The following NAPG variants were observed in gnomAD, a reference collection of about 807,000 sequenced individuals.
NAPG encodes NSF attachment protein gamma, also known as gamma-soluble NSF attachment protein.
In NAPG, 25 loss-of-function variants were observed where a neutral mutation model predicts 48.4. The observed-to-expected ratio is 0.52, with a 90% CI of 0.38 to 0.72. The LOEUF (loss-of-function observed/expected upper bound fraction) is 0.72. Among genes scored for constraint, NAPG ranks in the 30% least tolerant of loss-of-function variants. The probability of loss-of-function intolerance (pLI) is 0.00; values close to 1 mark genes in which losing one functional copy is unlikely to be tolerated. For missense variants in NAPG, 359 were observed against 372.5 expected (o/e 0.96, Z 0.30); for synonymous variants, 139 against 127.2 (o/e 1.09, Z -0.62).
Position 10,526,041 on chromosome 18 carries a change from T to C in NAPG, c.-62T>C. ...CGTTCCCACGCCTATTTGGGCGGAT[T>C]CTTGGCGCCGGAGGAAGAGGCAGGG... On this transcript the variant is annotated 5_prime_UTR_variant, in exon 1 of 12. Transcript: ENST00000322897. 6.5e-7 allele frequency: 1 copy of C among 1,532,684 alleles called. No homozygotes were observed. The allele number at this position is 1,532,684 out of a possible 1,614,324, so 94.9% of individuals were successfully genotyped here.
chr18:10,542,906 G>A lies in NAPG; in HGVS notation c.506+2507G>A, dbSNP rs2032184766. On this transcript the variant is annotated intron_variant, in intron 8 of 11. Coordinates refer to ENST00000322897, the MANE Select transcript of NAPG (RefSeq NM_003826.3). This position sits in a 1 kb window ranked among gnomAD's most constrained non-coding sequence, Gnocchi z 4.5. ...TTTTTAGAAAAGGCCTTTCCAGGCT[G>A]GGTGCAGTGGCTCATGCCTGTAATC... Among the ~76,000 whole-genome samples the A allele has an allele frequency of 6.6e-6, 1 of 152,118 alleles. No homozygotes were observed. The highest frequency in any genetic ancestry group is 2.1e-4 in the South Asian group (1 of 4,828).
rs2031984712 is a variant in NAPG, at chr18:10,534,128, C to G, written c.228-338C>G. Among the ~76,000 whole-genome samples, 1 of 152,132 alleles carries G rather than the reference C, an allele frequency of 6.6e-6. No individual in the cohort carries two copies. The highest frequency in any genetic ancestry group is 2.4e-5 in the African/African-American group (1 of 41,424). ...TGCCTCTGCTCTCCAGCCTGGGCGACACAGCAAGGCTCCATCCCAAAAACA... is the reference window on the plus strand; with the variant it reads ...TGCCTCTGCTCTCCAGCCTGGGCGAGACAGCAAGGCTCCATCCCAAAAACA... On this transcript the variant is annotated intron_variant, in intron 4 of 11. Transcript: ENST00000322897. This position sits in a 1 kb window ranked among gnomAD's most constrained non-coding sequence, Gnocchi z 5.0.
At chr18:10,532,112 T>A (rs1478808257) in intron 2 of NAPG, among the ~76,000 whole-genome samples, 1 of 151,938 alleles carries the variant, frequency 6.6e-6, no homozygotes, top group East Asian at 1.9e-4. Flanking sequence ...GCACTCCTGT[T>A]TTGTTTTGAT....
In NAPG at chr18:10,542,216, T is replaced by C. The variant is rs2032171158; in HGVS notation, c.506+1817T>C. Among the ~76,000 whole-genome samples, 1 of 151,974 alleles carries C rather than the reference T, an allele frequency of 6.6e-6. No homozygotes were observed. The highest frequency in any genetic ancestry group is 2.4e-5 in the African/African-American group (1 of 41,374). On this transcript the variant is annotated intron_variant, in intron 8 of 11. Transcript: ENST00000322897. This position sits in a 1 kb window ranked among gnomAD's most constrained non-coding sequence, Gnocchi z 4.5. ...AAATCCAGGGCTTTTATTCGTGACT[T>C]TGTTTTATTGGTTTTTTTTTTTTCT...
rs970339275 is a variant in NAPG, at chr18:10,526,081, C to T, written c.-22C>T. Reference sequence around the variant, plus strand: ...AAGAGGCAGGGTCACCCTCTCTCCACGTCAGAGACCTGACTGTGGAGATGG... The same window carrying T: ...AAGAGGCAGGGTCACCCTCTCTCCATGTCAGAGACCTGACTGTGGAGATGG... On this transcript the variant is annotated 5_prime_UTR_variant, in exon 1 of 12. In the 5' UTR this introduces an upstream ATG that the reference lacks. Coordinates refer to ENST00000322897, the MANE Select transcript of NAPG (RefSeq NM_003826.3). The T allele has an allele frequency of 4.3e-6, 7 of 1,612,328 alleles. No individual in the cohort carries two copies. Among genetic ancestry groups the T allele is most frequent in the Non-Finnish European group, 5.9e-6 (7 of 1,178,684 alleles).
In NAPG at chr18:10,549,003, C is replaced by T; in HGVS notation, c.702C>T (p.Ala234=). Residue 234 remains alanine, a synonymous_variant, in exon 11 of 12, where the codon GCC becomes GCT. Coordinates refer to ENST00000322897, the MANE Select transcript of NAPG (RefSeq NM_003826.3). Reference sequence around the variant, plus strand: ...TCAATGGCAGTGAAGACTGTGCTGCCCTGGAACAGCTTCTTGAAGGTTATG... The same window carrying T: ...TCAATGGCAGTGAAGACTGTGCTGCTCTGGAACAGCTTCTTGAAGGTTATG... The part of the protein sequence containing the change: ...PGFNGSEDCA[A]LEQLLEGYDQ... 6.2e-7 allele frequency: 1 copy of T among 1,613,562 alleles called. No homozygotes were observed. Among genetic ancestry groups the T allele is most frequent in the South Asian group, 1.1e-5 (1 of 91,034 alleles).
intron 3 of NAPG, 131 bp from the exon 4 acceptor site, chr18:10,533,405 C>A: frequency 1.6e-6 from 1 of 643,640 alleles, no homozygotes; most frequent in Non-Finnish European, 2.5e-6. Context: ...TCTTTTTTAC[C>A]TGTTTGTAGG....
At chr18:10,527,187 C>CAAAAA (rs775618160) in intron 1 of NAPG, among the ~76,000 whole-genome samples, 31 of 105,442 alleles carry the variant, frequency 2.9e-4, no homozygotes, top group African/African-American at 5.7e-4. Context: ...GACTCCGTCT[C>CAAAAA]AAAAAAAAAA....
In NAPG at chr18:10,534,336, G is replaced by C; in HGVS notation, c.228-130G>C. On this transcript the variant is annotated intron_variant, in intron 4 of 11. Coordinates refer to ENST00000322897, the MANE Select transcript of NAPG (RefSeq NM_003826.3). This position sits in a 1 kb window ranked among gnomAD's most constrained non-coding sequence, Gnocchi z 5.0. ...TTATATTGTGTGGTAATATAAGCCT[G>C]AAGTGATATGTTGTGCATGAGCCCA... The C allele has an allele frequency of 4.8e-6, 3 of 624,902 alleles. No homozygotes were observed. The highest frequency in any genetic ancestry group is 8.7e-6 in the Non-Finnish European group (3 of 345,646). 38.7% of individuals were successfully genotyped at this position (624,902 alleles called of 1,614,324 possible). A position where few individuals can be genotyped will look rare whatever the true frequency, so the allele number is the denominator to read the frequency against.
Position 10,546,201 on chromosome 18 carries a change from C to A in NAPG, c.507-125C>A, listed in dbSNP as rs2143142632. The A allele has an allele frequency of 2.0e-6, 1 of 497,392 alleles. No homozygotes were observed. Among genetic ancestry groups the A allele is most frequent in the Admixed American group, 3.8e-5 (1 of 26,142 alleles). 30.8% of individuals were successfully genotyped at this position (497,392 alleles called of 1,614,324 possible). A position where few individuals can be genotyped will look rare whatever the true frequency, so the allele number is the denominator to read the frequency against. On this transcript the variant is annotated intron_variant, in intron 8 of 11. Transcript: ENST00000322897. The surrounding 1 kb of genome is among the most constrained non-coding windows in gnomAD (Gnocchi z 4.0). ...GCATGTGGAAACCTGGGTCCTGGGG[C>A]AGCTGCTAATAATACCTGTCCTCCT...
chr18:10,548,540 T>G lies in NAPG; in HGVS notation c.665+162T>G, dbSNP rs1662154. On this transcript the variant is annotated intron_variant, in intron 10 of 11. Coordinates refer to ENST00000322897, the MANE Select transcript of NAPG (RefSeq NM_003826.3). This position sits in a 1 kb window ranked among gnomAD's most constrained non-coding sequence, Gnocchi z 4.4. Reference sequence around the variant, plus strand: ...TCTTTTACAGTGGGTGTTTTACACCTTTTTTTTTTTTCCCTTTCCTGTATT... The same window carrying G: ...TCTTTTACAGTGGGTGTTTTACACCGTTTTTTTTTTTCCCTTTCCTGTATT... 7.7e-6 allele frequency among the ~76,000 whole-genome samples: 1 copy of G among 129,956 alleles called. No homozygotes were observed. Among genetic ancestry groups the G allele is most frequent in the Non-Finnish European group, 1.5e-5 (1 of 65,192 alleles). The allele number at this position is 129,956 out of a possible 152,430, so 85.3% of individuals were successfully genotyped here.
chr18:10,526,181 C>G (rs1489896476), intron 1 of NAPG, 23 bp downstream of exon 1: 2 of 1,542,194 alleles, frequency 1.3e-6, no homozygotes, highest in Admixed American at 3.5e-5. Flanking sequence ...CTTCCGGGGG[C>G]CTGTGTGTAG....
chr18:10,551,417 G>A lies in NAPG; in HGVS notation c.*1197G>A, dbSNP rs2032391229. On this transcript the variant is annotated 3_prime_UTR_variant, in exon 12 of 12. Coordinates refer to ENST00000322897, the MANE Select transcript of NAPG (RefSeq NM_003826.3). ...AAAACTTAGCTGAAAGGGAAGAATT[G>A]TTTTAGAAAGACAATATTTAAAACA... 1 of 152,206 alleles carries A rather than the reference G, an allele frequency of 6.6e-6. No individual in the cohort carries two copies. Among genetic ancestry groups the A allele is most frequent in the Admixed American group, 6.5e-5 (1 of 15,276 alleles). The allele number at this position is 152,206 out of a possible 1,614,324, so 9.4% of individuals were successfully genotyped here.
chr18:10,535,614 A>T (rs2032015224), intron 5 of NAPG, among the ~76,000 whole-genome samples: 1 of 152,142 alleles, frequency 6.6e-6, no homozygotes, highest in African/African-American at 2.4e-5. Flanking sequence ...TACAAAAATT[A>T]GCTGGGCATG....
chr18:10,538,124 A>G (rs2032072827), intron 5 of NAPG, among the ~76,000 whole-genome samples: 1 of 152,110 alleles, frequency 6.6e-6, no homozygotes, highest in South Asian at 2.1e-4. Context: ...TGGAGATATT[A>G]GACATTAGGA....
At chr18:10,529,152 G>A (rs1165300923) in intron 1 of NAPG, among the ~76,000 whole-genome samples, 1 of 152,164 alleles carries the variant, frequency 6.6e-6, no homozygotes, top group Non-Finnish European at 1.5e-5. Flanking sequence ...GTCTTTCCGT[G>A]TATAGCACAT....
chr18:10,531,084 G>A (rs1288107237), intron 2 of NAPG, among the ~76,000 whole-genome samples: 8 of 152,170 alleles, frequency 5.3e-5, no homozygotes, highest in African/African-American at 7.2e-5. Flanking sequence ...GTGATACACA[G>A]TAGTGGGTTT....
At chr18:10,528,910 CGTA>C (rs2031873510) in intron 1 of NAPG, among the ~76,000 whole-genome samples, 1 of 152,144 alleles carries the variant, frequency 6.6e-6, no homozygotes. Flanking sequence ...CTAATGATGA[CGTA>C]GTTCAATATT....
chr18:10,547,307 T>C (rs2032289906), intron 9 of NAPG, among the ~76,000 whole-genome samples: 1 of 152,096 alleles, frequency 6.6e-6, no homozygotes, highest in Non-Finnish European at 1.5e-5. Context: ...ACATCTGTAC[T>C]CTCCTGAAAA....
Sources: allele counts gnomAD v4.1 joint callset (sites outside exome capture counted in the v4.1 genomes callset), GRCh38; gene constraint gnomAD v4.1.1; non-coding constraint Gnocchi (gnomAD v3.1); transcripts MANE v1.5; gene names NCBI Gene and HGNC (gene_info 2026-07-23, HGNC 2026-07-21).